HDAC9: variants seen among roughly 807,000 people sequenced by gnomAD.
HDAC9 encodes the protein MEF-2 interacting transcription repressor (MITR) protein.
Under a neutral mutation model 139.4 loss-of-function variants are expected in HDAC9, and 41 were observed. The observed-to-expected ratio is 0.29, with a 90% CI of 0.23 to 0.38. The LOEUF (loss-of-function observed/expected upper bound fraction) is 0.38. Among genes scored for constraint, HDAC9 ranks in the 10% least tolerant of loss-of-function variants. The pLI is 1.00. For synonymous variants in HDAC9, 517 were observed against 476.2 expected (o/e 1.09, Z -1.12); for missense variants, 1,147 against 1,297.0 (o/e 0.88, Z 1.78).
rs117896045 is a variant in HDAC9 at position 18,284,405 on chromosome 7, T to C, written c.25+122056T>C. ...GTCCTGACTTTTGGTTGAGAAAATATAGGCTCAGTTAATGTATTCAGTTGT... is the reference window on the plus strand; with the variant it reads ...GTCCTGACTTTTGGTTGAGAAAATACAGGCTCAGTTAATGTATTCAGTTGT... On this transcript the variant is annotated intron_variant, in intron 2 of 12. Coordinates refer to the HDAC9 transcript ENST00000417496. 3.3e-5 allele frequency among the ~76,000 whole-genome samples: 5 copies of C among 152,302 alleles called. No individual in the cohort carries two copies. In the East Asian group the frequency reaches 9.6e-4, roughly 29 times the overall value.
At chr7:18,821,666 C>T (rs533973287) in intron 17 of HDAC9, among the ~76,000 whole-genome samples, 1 of 152,204 alleles carries the variant, frequency 6.6e-6, no homozygotes, top group Non-Finnish European at 1.5e-5. Flanking sequence ...CAGACACTGA[C>T]TGGATGTCCT....
intron 13 of HDAC9, among the ~76,000 whole-genome samples, chr7:18,732,361 A>G (rs1293034496): frequency 6.6e-6 from 1 of 152,028 alleles, no homozygotes; most frequent in African/African-American, 2.4e-5. Flanking sequence ...TTTTTACTCT[A>G]TAAGCTTCTC....
At chr7:18,756,526 T>G (rs1367848890) in intron 14 of HDAC9, among the ~76,000 whole-genome samples, 3 of 152,234 alleles carry the variant, frequency 2.0e-5, no homozygotes, top group Non-Finnish European at 4.4e-5. Context: ...TCATTGCAAT[T>G]ATTTTATTTG....
intron 2 of HDAC9, among the ~76,000 whole-genome samples, chr7:18,247,026 A>G (rs770643394): frequency 6.6e-6 from 1 of 152,120 alleles, no homozygotes; most frequent in Non-Finnish European, 1.5e-5. Context: ...TGTAGTTGCC[A>G]TTAACTGAGA....
chr7:18,810,364 A>T (rs1427856642), intron 17 of HDAC9, among the ~76,000 whole-genome samples: 1 of 151,900 alleles, frequency 6.6e-6, no homozygotes, highest in Non-Finnish European at 1.5e-5. Flanking sequence ...ACATTCACAG[A>T]TTCTGGGAGT....
chr7:18,730,307 C>A (rs940934210), intron 13 of HDAC9, among the ~76,000 whole-genome samples: 1 of 152,178 alleles, frequency 6.6e-6, no homozygotes, highest in African/African-American at 2.4e-5. Flanking sequence ...CTACTGTAAT[C>A]CACATGATCT....
At chr7:18,869,585 T>A (rs1288680947) in intron 21 of HDAC9, among the ~76,000 whole-genome samples, 1 of 152,096 alleles carries the variant, frequency 6.6e-6, no homozygotes, top group African/African-American at 2.4e-5. Flanking sequence ...AAGAACAGAC[T>A]AATAAAGAGA....
intron 2 of HDAC9, among the ~76,000 whole-genome samples, chr7:18,579,407 T>C (rs1374709025): frequency 1.3e-5 from 2 of 152,230 alleles, no homozygotes; most frequent in Non-Finnish European, 2.9e-5. Context: ...TGGTTGAATA[T>C]TGTTAAAGCA....
chr7:18,187,676 T>C (rs1036317652), intron 2 of HDAC9, among the ~76,000 whole-genome samples: 4 of 152,178 alleles, frequency 2.6e-5, no homozygotes, highest in Admixed American at 6.5e-5. Context: ...CTACTTTCCC[T>C]CTCCCCTCCA....
At chr7:18,526,206 A>G (rs1806861654) in intron 2 of HDAC9, among the ~76,000 whole-genome samples, 1 of 152,178 alleles carries the variant, frequency 6.6e-6, no homozygotes, top group Non-Finnish European at 1.5e-5. Context: ...TTGTATAGCA[A>G]TATTTATAAG....
chr7:18,635,999 A>G (rs1193308682), intron 8 of HDAC9, among the ~76,000 whole-genome samples: 1 of 152,150 alleles, frequency 6.6e-6, no homozygotes, highest in African/African-American at 2.4e-5. Context: ...AAGTTATGAA[A>G]TTATCAGGTC....
chr7:18,111,405 A>C (rs1783612301), intron 1 of HDAC9, among the ~76,000 whole-genome samples: 2 of 152,164 alleles, frequency 1.3e-5, no homozygotes, highest in Non-Finnish European at 2.9e-5. Context: ...TTAAGGAGAA[A>C]GTTAGATAAA....
intron 22 of HDAC9, among the ~76,000 whole-genome samples, chr7:18,883,333 C>G (rs1799873253): frequency 1.3e-5 from 2 of 152,084 alleles, no homozygotes; most frequent in African/African-American, 4.8e-5. Flanking sequence ...TTAAAAGGTT[C>G]ATTCACCATG....
At chr7:18,252,108 G>A (rs1320576771) in intron 2 of HDAC9, among the ~76,000 whole-genome samples, 1 of 152,188 alleles carries the variant, frequency 6.6e-6, no homozygotes, top group Non-Finnish European at 1.5e-5. Context: ...AAATTAAGTA[G>A]AAGATGAAGT....
chr7:18,134,513 G>A (rs1297358020), intron 1 of HDAC9, among the ~76,000 whole-genome samples: 1 of 152,120 alleles, frequency 6.6e-6, no homozygotes, highest in Non-Finnish European at 1.5e-5. Flanking sequence ...TCTGTTTGAA[G>A]CAGTAGTAAC....
At chr7:18,316,941 A>G (rs946751784) in intron 1 of HDAC9, among the ~76,000 whole-genome samples, 1 of 151,914 alleles carries the variant, frequency 6.6e-6, no homozygotes, top group Non-Finnish European at 1.5e-5. Context: ...AAAATACAAA[A>G]AAATTAGTTG....
intron 2 of HDAC9, among the ~76,000 whole-genome samples, chr7:18,529,537 G>A (rs780219578): frequency 1.3e-5 from 2 of 152,058 alleles, no homozygotes; most frequent in South Asian, 2.1e-4. Context: ...TAGTCCCTAG[G>A]GTTTGTTTGT....
chr7:18,132,833 T>C (rs1785107972), intron 1 of HDAC9, among the ~76,000 whole-genome samples: 1 of 152,188 alleles, frequency 6.6e-6, no homozygotes, highest in Non-Finnish European at 1.5e-5. Flanking sequence ...TCAAATGATA[T>C]TGTTTCTTTA....
At chr7:18,533,977 G>GTATTCCTCTATTAAAA (rs1809946628) in intron 2 of HDAC9, among the ~76,000 whole-genome samples, 2 of 152,010 alleles carry the variant, frequency 1.3e-5, no homozygotes, top group Admixed American at 1.3e-4. Flanking sequence ...TTATTTTAAT[G>GTATTCCTCTATTAAAA]TAGTAGGTAA....
Sources: gnomAD v4.1 joint callset for allele counts (sites outside exome capture counted in the v4.1 genomes callset) on GRCh38, gnomAD v4.1.1 for gene constraint, MANE v1.5 for transcripts, NCBI Gene and HGNC (gene_info 2026-07-23, HGNC 2026-07-21) for gene names.